The following TPX2 variants were observed in gnomAD, a reference collection of about 807,000 sequenced individuals.
TPX2 encodes TPX2 microtubule nucleation factor, also known as targeting protein for Xklp2.
A neutral mutation model predicts 93.6 loss-of-function variants in TPX2; 21 were observed. The ratio of observed to expected loss-of-function variants is 0.22; its 90% CI spans 0.16 to 0.32. The LOEUF is 0.32. TPX2 is among the 10% of genes least tolerant of loss of function. TPX2 has a pLI of 1.00. For missense variants in TPX2, 776 were observed against 871.1 expected, an observed-to-expected ratio of 0.89 and a Z score of 1.37; for synonymous variants, 281 against 298.3, an observed-to-expected ratio of 0.94 and a Z score of 0.60.
At chr20:31,793,229 C>T (rs1453313899) in intron 13 of TPX2, among the ~76,000 whole-genome samples, 3 of 152,162 alleles carry the variant, frequency 2.0e-5, no homozygotes, top group Non-Finnish European at 2.9e-5. Context: ...GTCCTATCTC[C>T]GTTAACCCAG....
At chr20:31,760,898 G>A (rs1192522677) in intron 4 of TPX2, among the ~76,000 whole-genome samples, 1 of 152,072 alleles carries the variant, frequency 6.6e-6, no homozygotes, top group African/African-American at 2.4e-5. Context: ...GGTGGGTACT[G>A]GATCTGCAGA....
chr20:31,784,758 A>G (rs1015563605), intron 12 of TPX2, among the ~76,000 whole-genome samples: 2 of 152,210 alleles, frequency 1.3e-5, no homozygotes, highest in African/African-American at 4.8e-5. Context: ...TCACAACCAC[A>G]AGTTTAGAGA....
chr20:31,767,881 GT>G (rs1301169346), intron 5 of TPX2, among the ~76,000 whole-genome samples: 4 of 151,180 alleles, frequency 2.6e-5, no homozygotes, highest in Non-Finnish European at 5.9e-5. Flanking sequence ...AGAGTTTAGT[GT>G]TTACCCTCTC....
chr20:31,749,405 A>T (rs1277222244), intron 2 of TPX2, among the ~76,000 whole-genome samples: 1 of 152,204 alleles, frequency 6.6e-6, no homozygotes, highest in Non-Finnish European at 1.5e-5. Context: ...TGAAGATAAT[A>T]ACAGTACCTA....
At chr20:31,794,175 TAATC>T (rs1032412298) in intron 14 of TPX2, 151 bp downstream of exon 14, 10 of 1,087,230 alleles carry the variant, frequency 9.2e-6, no homozygotes, top group Admixed American at 8.9e-5. Context: ...GTAATTTAAA[TAATC>T]CTTCTGGCAC....
chr20:31,757,849 G>C (rs1426452671), intron 3 of TPX2, among the ~76,000 whole-genome samples: 4 of 152,176 alleles, frequency 2.6e-5, no homozygotes, highest in Non-Finnish European at 5.9e-5. Flanking sequence ...AGATGAACCA[G>C]TGTTCAACAA....
intron 7 of TPX2, among the ~76,000 whole-genome samples, chr20:31,773,997 G>A (rs1270516770): frequency 1.3e-5 from 2 of 151,732 alleles, no homozygotes; most frequent in African/African-American, 2.4e-5. Flanking sequence ...TCAGCCTCCC[G>A]AGTAGCTGGG....
At chr20:31,750,430 A>G (rs1415720489) in intron 2 of TPX2, among the ~76,000 whole-genome samples, 1 of 151,910 alleles carries the variant, frequency 6.6e-6, no homozygotes, top group Non-Finnish European at 1.5e-5. Flanking sequence ...CTGGGATTAC[A>G]GGTGTGAGCC....
rs2061858757 is a variant in TPX2, at chr20:31,757,407, A to G, written c.-70A>G. On this transcript the variant is annotated splice_region_variant and 5_prime_UTR_variant, in exon 3 of 18. Coordinates refer to ENST00000300403, the MANE Select transcript of TPX2 (RefSeq NM_012112.5). Reference sequence around the variant, plus strand: ...TATGTGCAACCATTTCTTTCCTCAGAAGGTGACCTGCTGAGAAAAGTGGTA... The same window carrying G: ...TATGTGCAACCATTTCTTTCCTCAGGAGGTGACCTGCTGAGAAAAGTGGTA... 2 of 1,242,862 alleles carry G rather than the reference A, an allele frequency of 1.6e-6. No homozygotes were observed. The highest frequency in any genetic ancestry group is 2.3e-6 in the Non-Finnish European group (2 of 858,136). The allele number at this position is 1,242,862 out of a possible 1,614,324, so 77.0% of individuals were successfully genotyped here.
At chr20:31,773,861 A>G (rs2061979544) in intron 7 of TPX2, among the ~76,000 whole-genome samples, 1 of 151,932 alleles carries the variant, frequency 6.6e-6, no homozygotes, top group Admixed American at 6.6e-5. Context: ...TTGTAGTGAG[A>G]ACATTTGGAT....
intron 2 of TPX2, among the ~76,000 whole-genome samples, chr20:31,751,665 G>A (rs2061820474): frequency 6.6e-6 from 1 of 152,104 alleles, no homozygotes; most frequent in East Asian, 1.9e-4. Context: ...TGCCAGAGAG[G>A]GCATTCTGGA....
intron 7 of TPX2, among the ~76,000 whole-genome samples, chr20:31,773,143 A>ATTTTTTTT (rs769516478): frequency 2.8e-4 from 29 of 102,356 alleles, no homozygotes; most frequent in African/African-American, 9.2e-4. Context: ...CACCCGGCTA[A>ATTTTTTTT]TTTTTTTTTT....
chr20:31,766,664 C>A lies in TPX2; in HGVS notation c.338C>A (p.Thr113Asn), dbSNP rs1290964102. Reference protein sequence around the residue: ...LEVEAAISRKTPAQPQRRSLR... With the variant: ...LEVEAAISRKNPAQPQRRSLR... ...GTTGAGGCAGCCATATCAAGAAAAA[C>A]TCCAGCCCAGCCTCAGAGGTAAGAC... The change falls in exon 5 of 18, where the codon ACT becomes AAT. Residue 113 changes from threonine to asparagine, a missense_variant. Coordinates refer to ENST00000300403, the MANE Select transcript of TPX2 (RefSeq NM_012112.5). 1 of 1,613,618 alleles carries A rather than the reference C, an allele frequency of 6.2e-7. No homozygotes were observed. The highest frequency in any genetic ancestry group is 8.5e-7 in the Non-Finnish European group (1 of 1,179,850).
At chr20:31,780,058 T>G (rs929846179) in intron 10 of TPX2, among the ~76,000 whole-genome samples, 1 of 152,206 alleles carries the variant, frequency 6.6e-6, no homozygotes, top group Non-Finnish European at 1.5e-5. Context: ...ATAGGCATTT[T>G]TTTTGAGACA....
intron 4 of TPX2, among the ~76,000 whole-genome samples, chr20:31,762,448 C>G (rs1269530452): frequency 6.6e-6 from 1 of 152,138 alleles, no homozygotes; most frequent in East Asian, 1.9e-4. Flanking sequence ...CTCCCGGGTT[C>G]AAGTGATCCT....
intron 12 of TPX2, among the ~76,000 whole-genome samples, chr20:31,785,241 C>A (rs2062058352): frequency 6.7e-6 from 1 of 150,228 alleles, no homozygotes; most frequent in Admixed American, 6.6e-5. Flanking sequence ...AGCTCTGTTA[C>A]AATAAACTGT....
chr20:31,747,253 T>C (rs2061789160), intron 2 of TPX2, among the ~76,000 whole-genome samples: 1 of 152,116 alleles, frequency 6.6e-6, no homozygotes, highest in Non-Finnish European at 1.5e-5. Context: ...CCCGAGTAGC[T>C]GGGATTAAAG....
chr20:31,764,621 G>A (rs532399691), intron 4 of TPX2, among the ~76,000 whole-genome samples: 66 of 152,140 alleles, frequency 4.3e-4, no homozygotes, highest in Non-Finnish European at 8.5e-4. Flanking sequence ...TTTGTAGACA[G>A]CATATAATTG....
Position 31,783,926 on chromosome 20 carries a change from G to T in TPX2, c.1413+5G>T, listed in dbSNP as rs6121225. On this transcript the variant is annotated splice_donor_5th_base_variant and intron_variant, in intron 12 of 17. Transcript: ENST00000300403. ...AAGATTTTGGAAGATGTTGTGGTAA[G>T]GTTGAGGCTATGTGTGCTGGCAGAA... 3 of 1,613,498 alleles carry T rather than the reference G, an allele frequency of 1.9e-6. No individual in the cohort carries two copies. The highest frequency in any genetic ancestry group is 1.7e-6 in the Non-Finnish European group (2 of 1,179,934).
Sources: gnomAD v4.1 joint callset for allele counts (sites outside exome capture counted in the v4.1 genomes callset) on GRCh38, gnomAD v4.1.1 for gene constraint, MANE v1.5 for transcripts, NCBI Gene and HGNC (gene_info 2026-07-23, HGNC 2026-07-21) for gene names.